Variants in PDIA6 observed in about 807,000 individuals in gnomAD.
PDIA6 encodes the protein protein disulfide isomerase family A member 6.
Under a neutral mutation model 58.4 loss-of-function variants are expected in PDIA6, and 29 were observed. The ratio of observed to expected loss-of-function variants is 0.50; its 90% CI spans 0.37 to 0.68. PDIA6 has a LOEUF of 0.68. PDIA6 is among the 30% of genes least tolerant of loss of function. PDIA6 has a pLI of 0.00. For synonymous variants in PDIA6, 192 were observed against 202.6 expected (o/e 0.95, Z 0.44); for missense variants, 480 against 551.0 (o/e 0.87, Z 1.29).
chr2:10,817,993 C>T (rs12471725), intron 2 of PDIA6, among the ~76,000 whole-genome samples: 18,185 of 151,634 alleles, frequency 0.12, 1,334 homozygotes, highest in Non-Finnish European at 0.16. Flanking sequence ...ACATGTACCT[C>T]TTCCTAGGGG....
At chr2:10,818,684 C>T (rs1311018871) in intron 2 of PDIA6, among the ~76,000 whole-genome samples, 2 of 151,330 alleles carry the variant, frequency 1.3e-5, no homozygotes, top group African/African-American at 2.4e-5. Flanking sequence ...CCATGCCTAG[C>T]TAATTTTGTA....
At chr2:10,833,252 G>A (rs887798649), upstream of PDIA6, among the ~76,000 whole-genome samples, 2 of 152,108 alleles carry the variant, frequency 1.3e-5, no homozygotes, top group African/African-American at 2.4e-5. Flanking sequence ...TCCTGCCCTC[G>A]GGCAGGCCCA....
intron 7 of PDIA6, 89 bp from the exon 8 acceptor site, chr2:10,789,978 T>A: frequency 8.9e-7 from 1 of 1,129,376 alleles, no homozygotes; most frequent in Non-Finnish European, 1.2e-6. Flanking sequence ...ACCTTATAGG[T>A]AATTTTTTTT....
chr2:10,800,418 G>T (rs1337137219), intron 2 of PDIA6, among the ~76,000 whole-genome samples: 1 of 152,080 alleles, frequency 6.6e-6, no homozygotes, highest in East Asian at 1.9e-4. Context: ...AACACTTCTG[G>T]TCCCAAGCAT....
intron 4 of PDIA6, 51 bp downstream of exon 4, chr2:10,797,030 C>T: frequency 1.9e-6 from 3 of 1,545,386 alleles, no homozygotes; most frequent in Non-Finnish European, 2.7e-6. Flanking sequence ...TGTTAAAGAA[C>T]AGTAGGTTCT....
chr2:10,812,773 G>A lies in PDIA6; in HGVS notation c.-77C>T, dbSNP rs553088392. 16 of 1,330,852 alleles carry A rather than the reference G, an allele frequency of 1.2e-5. No homozygotes were observed. In the South Asian group the frequency reaches 2.0e-4, roughly 16 times the overall value. 82.4% of individuals were successfully genotyped at this position (1,330,852 alleles called of 1,614,324 possible). ...GCAGCGTGCCGCACGCCGCGCCCCCGCGCCCACGTCCCGCCCCAGGCCAGT... is the reference window on the plus strand; with the variant it reads ...GCAGCGTGCCGCACGCCGCGCCCCCACGCCCACGTCCCGCCCCAGGCCAGT... On this transcript the variant is annotated 5_prime_UTR_variant, in exon 1 of 13. Coordinates refer to ENST00000272227, the MANE Select transcript of PDIA6 (RefSeq NM_005742.4).
At chr2:10,796,945 T>C (rs1314538557) in intron 4 of PDIA6, 136 bp downstream of exon 4, 14 of 736,292 alleles carry the variant, frequency 1.9e-5, no homozygotes, top group Non-Finnish European at 2.8e-5. Flanking sequence ...GGTATAGGAA[T>C]CACTGTGTAC....
upstream of PDIA6, among the ~76,000 whole-genome samples, chr2:10,835,704 G>C (rs1667818121): frequency 6.6e-6 from 1 of 152,182 alleles, no homozygotes; most frequent in Non-Finnish European, 1.5e-5. Context: ...GGGGACAGTG[G>C]CTGTGGCCCT....
rs1191770505 is a variant in PDIA6, at chr2:10,818,478, TTTAATTTATTTATTTATTTA to T, written c.34+776_34+795del. 1.5e-3 allele frequency among the ~76,000 whole-genome samples: 178 copies of T among 121,024 alleles called. 1 individual carries two copies. The highest frequency in any genetic ancestry group is 0.011 in the East Asian group (47 of 4,282). 79.4% of individuals were successfully genotyped at this position (121,024 alleles called of 152,430 possible). On this transcript the variant is annotated intron_variant, in intron 2 of 13. Coordinates refer to the PDIA6 transcript ENST00000381611. ...CACTGTGCCCAGCTCACTTTAACCA[TTTAATTTATTTATTTATTTA>T]TTTATTTATTTATTTATTTATTTAT...
At chr2:10,818,754 C>G (rs1667295834) in intron 2 of PDIA6, among the ~76,000 whole-genome samples, 1 of 151,654 alleles carries the variant, frequency 6.6e-6, no homozygotes, top group Admixed American at 6.6e-5. Flanking sequence ...AACTCCTGAC[C>G]TCAGGTGATC....
At chr2:10,800,284 G>A (rs977047057) in intron 2 of PDIA6, among the ~76,000 whole-genome samples, 1 of 152,148 alleles carries the variant, frequency 6.6e-6, no homozygotes, top group African/African-American at 2.4e-5. Context: ...CTTTCTGAGC[G>A]ACAACATGAC....
Position 10,790,703 on chromosome 2 carries a change from T to A in PDIA6, c.699+16A>T. On this transcript the variant is annotated intron_variant, in intron 7 of 12. Transcript: ENST00000272227. ...CATGTATTTCACAATGAAATGAGCC[T>A]TATAAGTATACTCACCCCGTATCGG... 1 of 1,555,304 alleles carries A rather than the reference T, an allele frequency of 6.4e-7. No homozygotes were observed. The highest frequency in any genetic ancestry group is 1.1e-5 in the South Asian group (1 of 89,884).
chr2:10,826,412 T>A (rs1415630280), intron 1 of PDIA6, among the ~76,000 whole-genome samples: 1 of 151,942 alleles, frequency 6.6e-6, no homozygotes, highest in Non-Finnish European at 1.5e-5. Flanking sequence ...TAGGCTGGAG[T>A]GCAATGGCGC....
At chr2:10,789,527 C>T (rs537992846) in intron 8 of PDIA6, among the ~76,000 whole-genome samples, 9 of 152,306 alleles carry the variant, frequency 5.9e-5, no homozygotes, top group African/African-American at 2.2e-4. Context: ...ATTGAATACA[C>T]TCTATCTTTA....
At chr2:10,825,049 A>G (rs188186333) in intron 1 of PDIA6, among the ~76,000 whole-genome samples, 4 of 152,258 alleles carry the variant, frequency 2.6e-5, no homozygotes, top group East Asian at 1.9e-4. Context: ...AAGCAGGTGG[A>G]AAAAAACGTG....
intron 2 of PDIA6, among the ~76,000 whole-genome samples, chr2:10,801,174 A>C (rs1287406086): frequency 6.6e-6 from 1 of 152,082 alleles, no homozygotes; most frequent in Non-Finnish European, 1.5e-5. Flanking sequence ...AGTGCTGGGG[A>C]GGCTGAGGTG....
intron 10 of PDIA6, among the ~76,000 whole-genome samples, chr2:10,788,462 C>G (rs147727360): frequency 0.011 from 1,737 of 152,002 alleles, 25 homozygotes; most frequent in Middle Eastern, 0.051. Context: ...TTGAGACCAG[C>G]CTAGACAACA....
In PDIA6 at chr2:10,790,727, G is replaced by C; in HGVS notation, c.691C>G (p.Arg231Gly). 10 of 1,609,774 alleles carry C rather than the reference G, an allele frequency of 6.2e-6. No individual in the cohort carries two copies. The highest frequency in any genetic ancestry group is 8.5e-6 in the Non-Finnish European group (10 of 1,176,036). ...DATVNQVLASRYGIRGFPTIK... is the reference protein window; with the variant it reads ...DATVNQVLASGYGIRGFPTIK... ...CTTATAAGTATACTCACCCCGTATC[G>C]GGAGGCCAGAACCTGATTGACTGTA... Residue 231 changes from arginine (R) to glycine (G), a missense_variant, in exon 7 of 13, where the codon CGA becomes GGA. Physicochemically the swap from Arg to Gly is moderately radical, Grantham distance 125. Coordinates refer to ENST00000272227, the MANE Select transcript of PDIA6 (RefSeq NM_005742.4).
chr2:10,799,037 G>C (rs1322659471), intron 2 of PDIA6, among the ~76,000 whole-genome samples: 1 of 57,052 alleles, frequency 1.8e-5, no homozygotes, highest in African/African-American at 3.8e-5. Context: ...GAAAGCGGAA[G>C]AGAGTGGGGA....
Sources: gnomAD v4.1 joint callset for allele counts (sites outside exome capture counted in the v4.1 genomes callset) on GRCh38, gnomAD v4.1.1 for gene constraint, MANE v1.5 for transcripts, NCBI Gene and HGNC (gene_info 2026-07-23, HGNC 2026-07-21) for gene names.